OCA2: variants seen among roughly 807,000 people sequenced by gnomAD.
OCA2 encodes P protein.
OCA2 carries 77 observed loss-of-function variants against 100.2 expected under a neutral mutation model. That is an observed-to-expected ratio of 0.77 (90% CI 0.64 to 0.93). OCA2 has a LOEUF of 0.93. Among genes scored for constraint, OCA2 ranks in the 40% least tolerant of loss-of-function variants. The pLI is 0.00. For synonymous variants in OCA2, 432 were observed against 439.2 expected, an observed-to-expected ratio of 0.98 and a Z score of 0.21; for missense variants, 1,062 against 1,089.1, an observed-to-expected ratio of 0.98 and a Z score of 0.35.
intron 4 of OCA2, among the ~76,000 whole-genome samples, chr15:28,026,845 C>A (rs190841401): frequency 1.3e-5 from 2 of 152,202 alleles, no homozygotes; most frequent in Non-Finnish European, 2.9e-5. Flanking sequence ...GACACGGTGA[C>A]GCTAATATTT....
At chr15:27,990,335 C>G (rs1595775893) in intron 10 of OCA2, among the ~76,000 whole-genome samples, 1 of 152,208 alleles carries the variant, frequency 6.6e-6, no homozygotes, top group African/African-American at 2.4e-5. Flanking sequence ...CCATGAGGAG[C>G]CTTTCCTCCA....
intron 15 of OCA2, among the ~76,000 whole-genome samples, chr15:27,965,828 G>C (rs1406535146): frequency 6.6e-6 from 1 of 152,144 alleles, no homozygotes; most frequent in Non-Finnish European, 1.5e-5. Context: ...ATAATCTATT[G>C]TTCCTAATAT....
chr15:27,890,002 G>C (rs1284981458), intron 19 of OCA2, among the ~76,000 whole-genome samples: 2 of 152,194 alleles, frequency 1.3e-5, no homozygotes, highest in Non-Finnish European at 2.9e-5. Flanking sequence ...GGGGTCTGAT[G>C]AGTGCTACAT....
the OCA2 span, among the ~76,000 whole-genome samples, chr15:27,727,877 T>C: frequency 2.6e-5 from 4 of 152,182 alleles, no homozygotes; most frequent in Non-Finnish European, 5.9e-5. Context: ...TCAATATCCT[T>C]ACTTTAAACA....
chr15:28,068,807 T>C (rs2044103996), intron 2 of OCA2, among the ~76,000 whole-genome samples: 1 of 152,254 alleles, frequency 6.6e-6, no homozygotes, highest in Non-Finnish European at 1.5e-5. Context: ...TCAATAAATG[T>C]GTTTCACCAC....
chr15:27,739,175 C>A, the OCA2 span, among the ~76,000 whole-genome samples: 2 of 152,048 alleles, frequency 1.3e-5, no homozygotes, highest in Non-Finnish European at 2.9e-5. Context: ...AGTGGGAAAC[C>A]CTAAAAATAA....
intron 23 of OCA2, among the ~76,000 whole-genome samples, chr15:27,840,519 CAT>C (rs2035304052): frequency 1.3e-5 from 2 of 152,260 alleles, no homozygotes; most frequent in South Asian, 4.1e-4. Flanking sequence ...TGTTGTCTCT[CAT>C]AGCTCCAGTA....
intron 2 of OCA2, among the ~76,000 whole-genome samples, chr15:28,067,849 A>T (rs2044072739): frequency 6.6e-6 from 1 of 152,184 alleles, no homozygotes; most frequent in African/African-American, 2.4e-5. Context: ...TATTAGGTCC[A>T]ATTGGTCAAG....
chr15:28,072,138 C>A (rs541138431), intron 2 of OCA2, among the ~76,000 whole-genome samples: 1 of 152,122 alleles, frequency 6.6e-6, no homozygotes, highest in Non-Finnish European at 1.5e-5. Context: ...GAGGCCGAAG[C>A]GGGTGGATCA....
chr15:27,743,610 G>A, the OCA2 span, among the ~76,000 whole-genome samples: 9 of 152,230 alleles, frequency 5.9e-5, no homozygotes, highest in Admixed American at 3.9e-4. Context: ...CCAGAAACAC[G>A]GTGGGGCCCA....
At chr15:28,082,796 A>AT (rs1381513482) in intron 1 of OCA2, among the ~76,000 whole-genome samples, 4 of 152,132 alleles carry the variant, frequency 2.6e-5, no homozygotes, top group African/African-American at 9.7e-5. Context: ...TGATTTTCAC[A>AT]TTTTTTGCAT....
chr15:28,055,677 G>A (rs1002805646), intron 2 of OCA2, among the ~76,000 whole-genome samples: 1 of 152,220 alleles, frequency 6.6e-6, no homozygotes, highest in Non-Finnish European at 1.5e-5. Flanking sequence ...CAAGTGAGTG[G>A]GTATGGCCAG....
In OCA2 at chr15:27,883,503, C is replaced by T. The variant is rs778040483; in HGVS notation, c.2080-11581G>A. ...AAAATAAATTAAGTCGGCTACTGTT[C>T]CTGTGTCCAATCCTCCCCAACTGAC... On this transcript the variant is annotated intron_variant, in intron 19 of 23. Transcript: ENST00000354638. 1.4e-4 allele frequency among the ~76,000 whole-genome samples: 22 copies of T among 152,220 alleles called. 1 individual carries two copies. Among genetic ancestry groups the T allele is most frequent in the Non-Finnish European group, 2.9e-4 (20 of 68,036 alleles).
At chr15:27,999,515 C>T (rs937459741) in intron 9 of OCA2, among the ~76,000 whole-genome samples, 1 of 152,212 alleles carries the variant, frequency 6.6e-6, no homozygotes, top group Non-Finnish European at 1.5e-5. Context: ...CATTATACTC[C>T]ATAGTGAAAA....
intron 1 of OCA2, 87 bp downstream of exon 1, chr15:28,099,137 G>C (rs2045039024): frequency 6.5e-6 from 1 of 154,288 alleles, no homozygotes; most frequent in African/African-American, 2.4e-5. Context: ...CGACTCAGCC[G>C]GGGCTGTGTA....
At chr15:27,867,744 CACA>C (rs956691228) in intron 21 of OCA2, among the ~76,000 whole-genome samples, 2 of 152,330 alleles carry the variant, frequency 1.3e-5, no homozygotes, top group African/African-American at 2.4e-5. Flanking sequence ...AGGATAACAA[CACA>C]ACGACATGCT....
chr15:27,990,724 A>C, intron 9 of OCA2, 77 bp from the exon 10 acceptor site: 4 of 1,243,474 alleles, frequency 3.2e-6, no homozygotes, highest in Non-Finnish European at 4.7e-6. Flanking sequence ...TGTGGACATG[A>C]GGGGGTCTAT....
chr15:27,925,448 T>C (rs1324630106), intron 19 of OCA2, among the ~76,000 whole-genome samples: 3 of 152,156 alleles, frequency 2.0e-5, no homozygotes, highest in African/African-American at 7.2e-5. Context: ...CCACAAATAT[T>C]TGGAGCCTTC....
intron 9 of OCA2, among the ~76,000 whole-genome samples, chr15:27,996,689 C>G (rs574205641): frequency 3.3e-5 from 5 of 151,924 alleles, no homozygotes; most frequent in South Asian, 2.1e-4. Flanking sequence ...AATTGATAGC[C>G]TAGAAGAAAC....
Sources: allele counts gnomAD v4.1 joint callset (sites outside exome capture counted in the v4.1 genomes callset), GRCh38; gene constraint gnomAD v4.1.1; transcripts MANE v1.5; gene names NCBI Gene and HGNC (gene_info 2026-07-23, HGNC 2026-07-21).